LDB2: variants seen among roughly 807,000 people sequenced by gnomAD.
LDB2 encodes LIM domain binding 2, also known as LIM domain-binding protein 2.
Under a neutral mutation model 44.3 loss-of-function variants are expected in LDB2, and 12 were observed. The observed-to-expected ratio is 0.27, with a 90% confidence interval of 0.17 to 0.44. The LOEUF (loss-of-function observed/expected upper bound fraction) is 0.44, where lower values mean the gene tolerates loss of function less well. Ranked by LOEUF, LDB2 falls within the 20% of genes least tolerant of loss-of-function variation. The pLI is 1.00. For missense variants in LDB2, 344 were observed against 473.5 expected, an observed-to-expected ratio of 0.73 and a Z score of 2.54; for synonymous variants, 164 against 174.8, an observed-to-expected ratio of 0.94 and a Z score of 0.49.
At chr4:16,764,367 T>A (rs535408000) in intron 1 of LDB2, among the ~76,000 whole-genome samples, 1 of 152,214 alleles carries the variant, frequency 6.6e-6, no homozygotes, top group South Asian at 2.1e-4. Flanking sequence ...AGAAGTAATG[T>A]GGATAATAAA....
intron 2 of LDB2, among the ~76,000 whole-genome samples, chr4:16,614,573 G>GAAAAAAAAAA (rs1282791131): frequency 7.5e-5 from 2 of 26,760 alleles, no homozygotes; most frequent in Non-Finnish European, 8.3e-5. Context: ...ACATTTACAA[G>GAAAAAAAAAA]AAAAAACAAA....
At chr4:16,779,449 C>T (rs1385309109) in intron 1 of LDB2, among the ~76,000 whole-genome samples, 1 of 152,172 alleles carries the variant, frequency 6.6e-6, no homozygotes, top group East Asian at 1.9e-4. Flanking sequence ...CAGAACGAGA[C>T]TAGGTGGCAA....
chr4:16,537,650 C>T (rs1228759612), intron 5 of LDB2, among the ~76,000 whole-genome samples: 37 of 152,144 alleles, frequency 2.4e-4, no homozygotes, highest in Non-Finnish European at 1.0e-4. Flanking sequence ...ATTTAGTGCT[C>T]CTAATGTCCT....
At chr4:16,601,663 G>T (rs1722609509) in intron 2 of LDB2, among the ~76,000 whole-genome samples, 1 of 152,020 alleles carries the variant, frequency 6.6e-6, no homozygotes. Flanking sequence ...TAAATTCGTT[G>T]GCTAAATCTG....
chr4:16,755,528 TGA>T (rs112037999), intron 2 of LDB2, among the ~76,000 whole-genome samples: 6,620 of 135,010 alleles, frequency 0.049, 536 homozygotes, highest in African/African-American at 0.17. Context: ...TGTGTGTATG[TGA>T]GAGAGAGAGA....
intron 3 of LDB2, among the ~76,000 whole-genome samples, chr4:16,594,746 C>T (rs768715265): frequency 6.6e-6 from 1 of 152,100 alleles, no homozygotes; most frequent in Non-Finnish European, 1.5e-5. Flanking sequence ...GCAATTAACC[C>T]TGATGATTCA....
chr4:16,657,435 C>A (rs1740213125), intron 2 of LDB2, among the ~76,000 whole-genome samples: 1 of 152,180 alleles, frequency 6.6e-6, no homozygotes, highest in Admixed American at 6.5e-5. Context: ...CCAGTCACCA[C>A]CTAACTGGTC....
intron 2 of LDB2, among the ~76,000 whole-genome samples, chr4:16,686,051 A>G (rs1423736977): frequency 1.3e-5 from 2 of 150,976 alleles, no homozygotes; most frequent in African/African-American, 2.4e-5. Context: ...GACTCTGTCT[A>G]AAAAAAAAGG....
intron 1 of LDB2, chr4:16,893,064 G>A (rs911925418): frequency 2.1e-6 from 2 of 964,584 alleles, no homozygotes; most frequent in Admixed American, 1.2e-4. Context: ...CAGTATAAGA[G>A]TCTTACAATT....
In LDB2 at chr4:16,791,247, A is replaced by AAAC. The variant is rs1252054633; in HGVS notation, c.133-31990_133-31988dup. Reference sequence around the variant, plus strand: ...TTGTCAAATCAGGCTTACAAAACCAAAACAACAACAACAACAACAACAAAA... The same window carrying AAAC: ...TTGTCAAATCAGGCTTACAAAACCAAAACAACAACAACAACAACAACAACAAAA... On this transcript the variant is annotated intron_variant, in intron 1 of 7. Coordinates refer to ENST00000304523, the MANE Select transcript of LDB2 (RefSeq NM_001290.5). Among the ~76,000 whole-genome samples, 179 of 152,136 alleles carry AAAC rather than the reference A, an allele frequency of 1.2e-3. 2 individuals carry two copies. Among genetic ancestry groups the AAAC allele is most frequent in the African/African-American group, 1.6e-3 (67 of 41,506 alleles).
At chr4:16,797,498 A>G (rs1323676069) in intron 1 of LDB2, among the ~76,000 whole-genome samples, 3 of 152,156 alleles carry the variant, frequency 2.0e-5, no homozygotes, top group African/African-American at 7.2e-5. Context: ...AAAAAAATAA[A>G]TGATGTCTTT....
chr4:16,791,628 C>A (rs1425127308), intron 1 of LDB2, among the ~76,000 whole-genome samples: 1 of 146,678 alleles, frequency 6.8e-6, no homozygotes, highest in African/African-American at 2.5e-5. Context: ...ACACTGTAAT[C>A]TTCCCCAGGC....
At chr4:16,804,196 C>A (rs1259228848) in intron 1 of LDB2, among the ~76,000 whole-genome samples, 1 of 152,150 alleles carries the variant, frequency 6.6e-6, no homozygotes, top group Non-Finnish European at 1.5e-5. Flanking sequence ...TGGCTCACTG[C>A]AACCTCAAAC....
At chr4:16,731,289 A>G (rs546680963) in intron 2 of LDB2, among the ~76,000 whole-genome samples, 5 of 152,262 alleles carry the variant, frequency 3.3e-5, no homozygotes, top group African/African-American at 7.2e-5. Flanking sequence ...CCCACTTTGT[A>G]CAAACTTATT....
intron 1 of LDB2, among the ~76,000 whole-genome samples, chr4:16,812,582 TTATA>T (rs6148319): frequency 0.16 from 18,490 of 114,868 alleles, 1,434 homozygotes; most frequent in Middle Eastern, 0.22. Flanking sequence ...ATCAATGAAA[TTATA>T]TATATATATA....
rs71649971 is a variant in LDB2, at chr4:16,615,069, C to CAAAAAA, written c.236-19200_236-19195dup. 4.5e-3 allele frequency among the ~76,000 whole-genome samples: 212 copies of CAAAAAA among 47,314 alleles called. 2 individuals are homozygous for CAAAAAA. Among genetic ancestry groups the CAAAAAA allele is most frequent in the Non-Finnish European group, 7.1e-3 (189 of 26,768 alleles). 31.0% of individuals were successfully genotyped at this position (47,314 alleles called of 152,430 possible). On this transcript the variant is annotated intron_variant, in intron 2 of 7. Transcript: ENST00000304523. Reference sequence around the variant, plus strand: ...TGGGCGACAGAGCGAGACTCCGTCTCAAAAAAAAAAAAAAAAAAAAAAAGT... The same window carrying CAAAAAA: ...TGGGCGACAGAGCGAGACTCCGTCTCAAAAAAAAAAAAAAAAAAAAAAAAAAAAAGT...
At chr4:16,689,933 T>C (rs1750229960) in intron 2 of LDB2, among the ~76,000 whole-genome samples, 1 of 152,228 alleles carries the variant, frequency 6.6e-6, no homozygotes, top group African/African-American at 2.4e-5. Flanking sequence ...TGCAGAGCTC[T>C]GCCTTCCTTA....
chr4:16,627,264 A>G (rs1270523993), intron 2 of LDB2, among the ~76,000 whole-genome samples: 1 of 152,178 alleles, frequency 6.6e-6, no homozygotes, highest in African/African-American at 2.4e-5. Flanking sequence ...TCATCATCGA[A>G]GATACTATAA....
rs2152439569 is a variant in LDB2, at chr4:16,595,787, T to C, written c.324A>G (p.Lys108=). ...TDLYYILKHS[K]ESYHNSSITV... ...TGATGGATGAGTTGTGGTATGACTC[T>C]TTCGAGTGTTTGAGAATGTAATACA... Residue 108 remains lysine, a synonymous_variant, in exon 3 of 8, where the codon AAA becomes AAG. Coordinates refer to ENST00000304523, the MANE Select transcript of LDB2 (RefSeq NM_001290.5). 1 of 1,613,776 alleles carries C rather than the reference T, an allele frequency of 6.2e-7. No homozygotes were observed. The highest frequency in any genetic ancestry group is 2.2e-5 in the East Asian group (1 of 44,856).
Sources: allele counts gnomAD v4.1 joint callset (sites outside exome capture counted in the v4.1 genomes callset), GRCh38; gene constraint gnomAD v4.1.1; transcripts MANE v1.5; gene names NCBI Gene and HGNC (gene_info 2026-07-23, HGNC 2026-07-21).